The following EPHA5 variants were observed in gnomAD, a reference collection of about 807,000 sequenced individuals.
EPHA5 encodes EPH receptor A5.
Under a neutral mutation model 105.0 loss-of-function variants are expected in EPHA5, and 60 were observed. That is an observed-to-expected ratio of 0.57 (90% CI 0.46 to 0.71). EPHA5 has a LOEUF of 0.71. Among genes scored for constraint, EPHA5 ranks in the 30% least tolerant of loss-of-function variants. The pLI, the probability that EPHA5 is intolerant of heterozygous loss-of-function variation, is 0.00. For missense variants in EPHA5, 1,218 were observed against 1,274.7 expected (o/e 0.96, Z 0.68); for synonymous variants, 513 against 449.1 (o/e 1.14, Z -1.80).
chr4:65,561,839 C>A (rs1257182999), intron 3 of EPHA5, among the ~76,000 whole-genome samples: 1 of 151,942 alleles, frequency 6.6e-6, no homozygotes, highest in Non-Finnish European at 1.5e-5. Context: ...GATTGATATA[C>A]CAGAAAATTG....
At position 65,373,947 on chromosome 4, in the gene EPHA5, A is replaced by T. The variant is rs562752844; in HGVS notation, c.1794-6523T>A. Among the ~76,000 whole-genome samples the T allele has an allele frequency of 2.0e-5, 3 of 152,086 alleles. No individual in the cohort carries two copies. In the South Asian group the frequency reaches 6.2e-4, roughly 31 times the overall value. On this transcript the variant is annotated intron_variant, in intron 8 of 16. Transcript: ENST00000613740. The stretch of plus-strand genomic sequence containing the variant: ...CTACTTTGGGACTAAGGGATATTTT[A>T]GATGGATTTATAATAAGTATTATGC...
At chr4:65,595,934 C>T (rs1402888284) in intron 3 of EPHA5, among the ~76,000 whole-genome samples, 1 of 152,094 alleles carries the variant, frequency 6.6e-6, no homozygotes, top group Non-Finnish European at 1.5e-5. Context: ...CAGAGAGATT[C>T]AGCAACTTGC....
chr4:65,466,003 A>G (rs12498469), intron 5 of EPHA5, among the ~76,000 whole-genome samples: 38,585 of 152,178 alleles, frequency 0.25, 5,311 homozygotes, highest in Middle Eastern at 0.35. Context: ...GACAAACAAA[A>G]AAAGACATAA....
chr4:65,585,313 A>T (rs1444193345), intron 3 of EPHA5, among the ~76,000 whole-genome samples: 1 of 151,930 alleles, frequency 6.6e-6, no homozygotes, highest in Admixed American at 6.6e-5. Context: ...AATCAAAACA[A>T]CACAAAGTAA....
intron 5 of EPHA5, among the ~76,000 whole-genome samples, chr4:65,480,729 G>T (rs1730273960): frequency 6.6e-6 from 1 of 152,110 alleles, no homozygotes; most frequent in Non-Finnish European, 1.5e-5. Context: ...AGCGTTTTGG[G>T]CATTGTTCCT....
Position 65,445,945 on chromosome 4 carries a change from C to T in EPHA5, c.1403-25380G>A, listed in dbSNP as rs534107828. 2.0e-5 allele frequency among the ~76,000 whole-genome samples: 3 copies of T among 152,226 alleles called. No individual in the cohort carries two copies. In the South Asian group the frequency reaches 6.2e-4, roughly 32 times the overall value. ...ATTGAACATTCAAAATATACCATCT[C>T]CTTTGTCACCAGTGTCATCTGGGCC... On this transcript the variant is annotated intron_variant, in intron 5 of 16. Coordinates refer to ENST00000613740, the MANE Select transcript of EPHA5 (RefSeq NM_001281766.3).
intron 3 of EPHA5, among the ~76,000 whole-genome samples, chr4:65,597,728 G>A (rs1345693539): frequency 3.9e-5 from 6 of 152,070 alleles, no homozygotes; most frequent in African/African-American, 7.2e-5. Context: ...TTGTTACCTC[G>A]TCAAAACCAG....
intron 11 of EPHA5, among the ~76,000 whole-genome samples, chr4:65,362,954 A>G (rs971621395): frequency 1.3e-5 from 2 of 151,720 alleles, no homozygotes; most frequent in Non-Finnish European, 3.0e-5. Context: ...GAAACGTTTT[A>G]GACTTCAAAA....
At chr4:65,595,035 A>C (rs928119635) in intron 3 of EPHA5, among the ~76,000 whole-genome samples, 7 of 152,100 alleles carry the variant, frequency 4.6e-5, no homozygotes, top group African/African-American at 1.4e-4. Flanking sequence ...CATACATAAA[A>C]TTAATGTATT....
chr4:65,646,430 G>A (rs79276136), intron 1 of EPHA5, among the ~76,000 whole-genome samples: 3,399 of 152,264 alleles, frequency 0.022, 129 homozygotes, highest in African/African-American at 0.076. Flanking sequence ...ATATAATAAT[G>A]TCTGGACACA....
At chr4:65,340,374 T>G (rs1476273376) in intron 14 of EPHA5, among the ~76,000 whole-genome samples, 1 of 152,170 alleles carries the variant, frequency 6.6e-6, no homozygotes, top group East Asian at 1.9e-4. Context: ...CTAACAGTTA[T>G]GAATTACTCA....
chr4:65,332,617 G>C (rs541310673), intron 15 of EPHA5, among the ~76,000 whole-genome samples: 9 of 151,212 alleles, frequency 6.0e-5, no homozygotes, highest in Non-Finnish European at 1.3e-4. Context: ...TAATGGGGTG[G>C]TGGGGGGTGG....
chr4:65,579,784 G>A (rs981483842), intron 3 of EPHA5, among the ~76,000 whole-genome samples: 1 of 151,836 alleles, frequency 6.6e-6, no homozygotes, highest in Non-Finnish European at 1.5e-5. Flanking sequence ...TCTGAGCATA[G>A]TAATTTCAAA....
Position 65,427,185 on chromosome 4 carries a change from C to CTTTT in EPHA5, c.1403-6624_1403-6621dup, listed in dbSNP as rs11443682. 3.9e-5 allele frequency among the ~76,000 whole-genome samples: 5 copies of CTTTT among 129,092 alleles called. 1 individual carries two copies. Among genetic ancestry groups the CTTTT allele is most frequent in the African/African-American group, 1.2e-4 (4 of 34,438 alleles). The allele number at this position is 129,092 out of a possible 152,430, so 84.7% of individuals were successfully genotyped here. On this transcript the variant is annotated intron_variant, in intron 5 of 16. Coordinates refer to ENST00000613740, the MANE Select transcript of EPHA5 (RefSeq NM_001281766.3). ...AGTAATTATAAAACTCGAGTGTATT[C>CTTTT]TTTTTTTTTTTTTTTTTGAGATGGA...
intron 5 of EPHA5, 100 bp from the exon 6 acceptor site, chr4:65,420,665 T>C: frequency 1.8e-6 from 2 of 1,118,008 alleles, no homozygotes; most frequent in South Asian, 3.9e-5. Flanking sequence ...AACGTAGCAA[T>C]ATAAAAAAAA....
chr4:65,440,934 T>A (rs1432524132), intron 5 of EPHA5, among the ~76,000 whole-genome samples: 1 of 152,134 alleles, frequency 6.6e-6, no homozygotes, highest in Non-Finnish European at 1.5e-5. Flanking sequence ...TAAGTAAGGC[T>A]AAGATTTCTG....
intron 2 of EPHA5, among the ~76,000 whole-genome samples, chr4:65,610,048 G>C (rs1475130140): frequency 2.0e-5 from 3 of 151,984 alleles, no homozygotes; most frequent in African/African-American, 7.2e-5. Context: ...TATGTTCATT[G>C]CAGCACTATT....
At chr4:65,463,690 A>G (rs1728335748) in intron 5 of EPHA5, among the ~76,000 whole-genome samples, 1 of 152,146 alleles carries the variant, frequency 6.6e-6, no homozygotes, top group Non-Finnish European at 1.5e-5. Context: ...GTCAAAAAAA[A>G]TATTGTCTAC....
At chr4:65,333,528 AGAGTGTGTGTCTGT>A (rs1190240510) in intron 15 of EPHA5, among the ~76,000 whole-genome samples, 4 of 96,098 alleles carry the variant, frequency 4.2e-5, no homozygotes, top group South Asian at 4.1e-4. Flanking sequence ...TGTGCGTGTG[AGAGTGTGTGTCTGT>A]GTGTGTGTGT....
Sources: allele counts gnomAD v4.1 joint callset (sites outside exome capture counted in the v4.1 genomes callset), GRCh38; gene constraint gnomAD v4.1.1; transcripts MANE v1.5; gene names NCBI Gene and HGNC (gene_info 2026-07-23, HGNC 2026-07-21).